The following FNBP1 variants were observed in gnomAD, a reference collection of about 807,000 sequenced individuals.
FNBP1 encodes the protein formin binding protein 1, also known as formin-binding protein 1.
In FNBP1, 26 loss-of-function variants were observed where a neutral mutation model predicts 90.6. The observed-to-expected ratio is 0.29, with a 90% confidence interval of 0.21 to 0.40. The LOEUF is 0.40. Among genes scored for constraint, FNBP1 ranks in the 10% least tolerant of loss-of-function variants. The probability of loss-of-function intolerance (pLI) is 1.00; values close to 1 mark genes in which losing one functional copy is unlikely to be tolerated. For missense variants in FNBP1, 635 were observed against 768.0 expected (o/e 0.83, Z 2.05); for synonymous variants, 260 against 265.2 (o/e 0.98, Z 0.19).
intron 7 of FNBP1, among the ~76,000 whole-genome samples, chr9:129,929,189 C>A (rs2042355491): frequency 6.6e-6 from 1 of 152,000 alleles, no homozygotes; most frequent in Non-Finnish European, 1.5e-5. Flanking sequence ...GTAGGCAGAT[C>A]ACCTGAGGTC....
At position 129,890,003 on chromosome 9, in the gene FNBP1, G is replaced by A. The variant is rs2034965131; in HGVS notation, c.*536C>T. 1 of 241,598 alleles carries A rather than the reference G, an allele frequency of 4.1e-6. No homozygotes were observed. Among genetic ancestry groups the A allele is most frequent in the Non-Finnish European group, 8.1e-6 (1 of 122,918 alleles). 15.0% of individuals were successfully genotyped at this position (241,598 alleles called of 1,614,324 possible). ...GAGGTGCAAGCCTAGAATCCAAAAA[G>A]GACCACTGAGGACTTCACAGACTCA... On this transcript the variant is annotated 3_prime_UTR_variant, in exon 17 of 17. Transcript: ENST00000446176. This position sits in a 1 kb window ranked among gnomAD's most constrained non-coding sequence, Gnocchi z 5.8.
At chr9:129,955,765 A>AAAAAAT (rs2046836501) in intron 6 of FNBP1, among the ~76,000 whole-genome samples, 1 of 151,178 alleles carries the variant, frequency 6.6e-6, no homozygotes, top group East Asian at 1.9e-4. Flanking sequence ...AAATAAACAT[A>AAAAAAT]AAAAATAAAA....
chr9:129,993,991 T>C (rs7019010), intron 2 of FNBP1, among the ~76,000 whole-genome samples: 10,284 of 152,218 alleles, frequency 0.068, 431 homozygotes, highest in Middle Eastern at 0.14. Context: ...TGTGAATTAG[T>C]ACAAGCACAC....
At chr9:129,984,174 T>A (rs2051759131) in intron 2 of FNBP1, among the ~76,000 whole-genome samples, 1 of 151,628 alleles carries the variant, frequency 6.6e-6, no homozygotes, top group Admixed American at 6.6e-5. Flanking sequence ...GATTTCTGGA[T>A]CAAGATGGCA....
the FNBP1 span, among the ~76,000 whole-genome samples, chr9:130,051,710 G>A: frequency 6.6e-6 from 1 of 152,138 alleles, no homozygotes; most frequent in South Asian, 2.1e-4. Context: ...AGCTAGGGAG[G>A]CTGAGGCATG....
intron 4 of FNBP1, among the ~76,000 whole-genome samples, chr9:129,959,699 T>C (rs1245730052): frequency 1.3e-5 from 2 of 152,176 alleles, no homozygotes; most frequent in Admixed American, 1.3e-4. Context: ...CTTTGAGATA[T>C]GATTCAGATA....
chr9:129,957,286 C>T lies in FNBP1; in HGVS notation c.513+74G>A. 3 of 1,077,980 alleles carry T rather than the reference C, an allele frequency of 2.8e-6. No homozygotes were observed. Among genetic ancestry groups the T allele is most frequent in the South Asian group, 2.6e-5 (2 of 78,118 alleles). 66.8% of individuals were successfully genotyped at this position (1,077,980 alleles called of 1,614,324 possible). A position where few individuals can be genotyped will look rare whatever the true frequency, so the allele number is the denominator to read the frequency against. On this transcript the variant is annotated intron_variant, in intron 6 of 16. Coordinates refer to ENST00000446176, the MANE Select transcript of FNBP1 (RefSeq NM_015033.3). This position sits in a 1 kb window ranked among gnomAD's most constrained non-coding sequence, Gnocchi z 4.3. Reference sequence around the variant, plus strand: ...CTCCTGGCCTCAGGTGATCCGCTCACCTCAGCCTCCCAAAGTGCTGGGATT... The same window carrying T: ...CTCCTGGCCTCAGGTGATCCGCTCATCTCAGCCTCCCAAAGTGCTGGGATT...
chr9:129,932,677 C>T (rs528221235), intron 6 of FNBP1, among the ~76,000 whole-genome samples: 7 of 152,168 alleles, frequency 4.6e-5, no homozygotes, highest in Admixed American at 1.3e-4. Context: ...TTTCAGCTGC[C>T]GCATTCTTCC....
chr9:130,048,910 A>G, the FNBP1 span, among the ~76,000 whole-genome samples: 1 of 151,016 alleles, frequency 6.6e-6, no homozygotes, highest in Non-Finnish European at 1.5e-5. Flanking sequence ...CCTCCCGAGT[A>G]GCTGGGACTA....
intron 1 of FNBP1, among the ~76,000 whole-genome samples, chr9:130,035,924 C>G (rs955333519): frequency 3.9e-5 from 6 of 151,982 alleles, no homozygotes. Flanking sequence ...CCAGCCTGGG[C>G]GACAAGAGCG....
intron 2 of FNBP1, among the ~76,000 whole-genome samples, chr9:129,984,639 T>C (rs888693609): frequency 1.3e-5 from 2 of 151,820 alleles, no homozygotes; most frequent in East Asian, 1.9e-4. Context: ...GGGATGTGGG[T>C]TCGCTGTGTC....
intron 1 of FNBP1, among the ~76,000 whole-genome samples, chr9:130,035,240 T>C (rs2059205823): frequency 6.6e-6 from 1 of 152,172 alleles, no homozygotes; most frequent in Non-Finnish European, 1.5e-5. Flanking sequence ...TCTCTTCTTG[T>C]AGCACCCCCA....
At chr9:129,932,894 G>T (rs2042968945) in intron 6 of FNBP1, among the ~76,000 whole-genome samples, 1 of 151,944 alleles carries the variant, frequency 6.6e-6, no homozygotes, top group African/African-American at 2.4e-5. Context: ...TGTTCCCCGA[G>T]CCCGTCCAGC....
chr9:130,045,272 G>A (rs1356895564), upstream of FNBP1, among the ~76,000 whole-genome samples: 4 of 152,184 alleles, frequency 2.6e-5, no homozygotes, highest in Non-Finnish European at 4.4e-5. Flanking sequence ...TGAGTTGGAG[G>A]GGGAAATTCA....
At chr9:130,006,631 C>T (rs771840340) in intron 1 of FNBP1, among the ~76,000 whole-genome samples, 15 of 152,150 alleles carry the variant, frequency 9.9e-5, no homozygotes, top group African/African-American at 3.4e-4. Flanking sequence ...GATGGTGCCA[C>T]TGCACTCCAG....
intron 16 of FNBP1, among the ~76,000 whole-genome samples, chr9:129,894,321 C>A (rs1022169366): frequency 6.6e-6 from 1 of 152,164 alleles, no homozygotes; most frequent in Admixed American, 6.5e-5. Flanking sequence ...TCCCCTCCCA[C>A]ATCAATGCCA....
intron 12 of FNBP1, among the ~76,000 whole-genome samples, chr9:129,904,504 C>T (rs1471641973): frequency 2.0e-5 from 3 of 152,262 alleles, no homozygotes; most frequent in South Asian, 4.1e-4. Flanking sequence ...AAATCCAAAG[C>T]AGGCCATACA....
At chr9:129,953,531 C>T (rs1262816372) in intron 6 of FNBP1, among the ~76,000 whole-genome samples, 1 of 151,714 alleles carries the variant, frequency 6.6e-6, no homozygotes, top group East Asian at 1.9e-4. Context: ...ATATCTGTAA[C>T]AAAAGTTGAA....
At chr9:130,046,442 C>G (rs563818473), upstream of FNBP1, among the ~76,000 whole-genome samples, 40 of 151,834 alleles carry the variant, frequency 2.6e-4, no homozygotes, top group Non-Finnish European at 5.3e-4. Flanking sequence ...ATAAAAGTCC[C>G]TAGAGAGTTG....
Sources: allele counts gnomAD v4.1 joint callset (sites outside exome capture counted in the v4.1 genomes callset), GRCh38; gene constraint gnomAD v4.1.1; non-coding constraint Gnocchi (gnomAD v3.1); transcripts MANE v1.5; gene names NCBI Gene and HGNC (gene_info 2026-07-23, HGNC 2026-07-21).